The following GRM7 variants were observed in gnomAD, a reference collection of about 807,000 sequenced individuals.
GRM7 encodes metabotropic glutamate receptor 7.
A neutral mutation model predicts 84.5 loss-of-function variants in GRM7; 35 were observed. That is an observed-to-expected ratio of 0.41 (90% CI 0.32 to 0.55). The LOEUF (loss-of-function observed/expected upper bound fraction) is 0.55, where lower values mean the gene tolerates loss of function less well. Among genes scored for constraint, GRM7 ranks in the 20% least tolerant of loss-of-function variants. The pLI, the probability that GRM7 is intolerant of heterozygous loss-of-function variation, is 0.19. For synonymous variants in GRM7, 487 were observed against 455.1 expected, an observed-to-expected ratio of 1.07 and a Z score of -0.89; for missense variants, 1,003 against 1,194.6, an observed-to-expected ratio of 0.84 and a Z score of 2.36.
intron 2 of GRM7, among the ~76,000 whole-genome samples, chr3:7,259,341 C>A (rs1241421744): frequency 2.0e-5 from 3 of 152,098 alleles, no homozygotes; most frequent in Non-Finnish European, 4.4e-5. Flanking sequence ...TAGGTAAATT[C>A]ATGTCATGGG....
chr3:7,320,300 A>G (rs930902004), intron 4 of GRM7, among the ~76,000 whole-genome samples: 1 of 152,044 alleles, frequency 6.6e-6, no homozygotes, highest in African/African-American at 2.4e-5. Flanking sequence ...TAAAAGTTTT[A>G]TGTGACACAC....
intron 1 of GRM7, among the ~76,000 whole-genome samples, chr3:7,080,931 G>T (rs569694526): frequency 1.3e-5 from 2 of 151,968 alleles, no homozygotes; most frequent in Non-Finnish European, 2.9e-5. Flanking sequence ...TTCATTCATT[G>T]TATAATGGAG....
intron 8 of GRM7, among the ~76,000 whole-genome samples, chr3:7,640,653 A>C (rs1310005342): frequency 6.6e-6 from 1 of 152,240 alleles, no homozygotes; most frequent in African/African-American, 2.4e-5. Flanking sequence ...AGTCTGAGAA[A>C]TACTATTTAT....
chr3:7,546,404 G>A (rs549485914), intron 7 of GRM7, among the ~76,000 whole-genome samples: 155 of 152,336 alleles, frequency 1.0e-3, no homozygotes, highest in Non-Finnish European at 1.8e-3. Flanking sequence ...GGAAGTCTCT[G>A]GCCGAACTTA....
intron 2 of GRM7, among the ~76,000 whole-genome samples, chr3:7,194,358 A>G (rs1695812923): frequency 6.6e-6 from 1 of 152,204 alleles, no homozygotes; most frequent in East Asian, 1.9e-4. Flanking sequence ...GAGGTGAAGC[A>G]TACAGTGTGT....
chr3:6,881,303 C>G (rs145607698), intron 1 of GRM7, among the ~76,000 whole-genome samples: 3 of 152,062 alleles, frequency 2.0e-5, no homozygotes, highest in African/African-American at 4.8e-5. Context: ...CACTCCACCC[C>G]CCAACAGTCT....
chr3:7,029,326 AAC>A (rs201830136), intron 1 of GRM7, among the ~76,000 whole-genome samples: 20 of 120,712 alleles, frequency 1.7e-4, no homozygotes, highest in East Asian at 8.2e-4. Flanking sequence ...AAAAAAAAAA[AAC>A]AAACAAAAAA....
intron 7 of GRM7, among the ~76,000 whole-genome samples, chr3:7,491,899 C>T (rs1358996551): frequency 6.6e-6 from 1 of 152,142 alleles, no homozygotes; most frequent in Non-Finnish European, 1.5e-5. Flanking sequence ...ATGCCCTTTT[C>T]CAGCAAGTCT....
At chr3:7,325,179 C>G (rs1324684213) in intron 4 of GRM7, among the ~76,000 whole-genome samples, 2 of 152,138 alleles carry the variant, frequency 1.3e-5, no homozygotes, top group African/African-American at 4.8e-5. Flanking sequence ...TCAGGGGATT[C>G]TGGGTATTGA....
intron 7 of GRM7, among the ~76,000 whole-genome samples, chr3:7,530,117 G>C (rs1408732215): frequency 5.0e-4 from 17 of 34,080 alleles, no homozygotes; most frequent in Admixed American, 4.1e-3. Flanking sequence ...AACAGGCCCC[G>C]GTGTGTGATG....
intron 1 of GRM7, among the ~76,000 whole-genome samples, chr3:7,019,921 C>T (rs1042302816): frequency 2.0e-5 from 3 of 152,176 alleles, no homozygotes; most frequent in Admixed American, 6.5e-5. Flanking sequence ...ACTAAAAAGA[C>T]ACCGGAAAAG....
intron 1 of GRM7, among the ~76,000 whole-genome samples, chr3:7,039,603 A>G (rs1267228862): frequency 6.6e-6 from 1 of 152,204 alleles, no homozygotes; most frequent in African/African-American, 2.4e-5. Context: ...ATGCCGTGAT[A>G]AGAAAAATCA....
chr3:7,069,908 C>A (rs528559431), intron 1 of GRM7, among the ~76,000 whole-genome samples: 2 of 152,074 alleles, frequency 1.3e-5, no homozygotes, highest in African/African-American at 2.4e-5. Context: ...TCATCCCAGT[C>A]AAATGATTCA....
At chr3:7,077,576 G>A (rs1433982526) in intron 1 of GRM7, among the ~76,000 whole-genome samples, 1 of 149,840 alleles carries the variant, frequency 6.7e-6, no homozygotes, top group African/African-American at 2.5e-5. Flanking sequence ...CTGTCGGGGG[G>A]TGGGGGGCTA....
At chr3:7,356,920 T>TCACATACACA (rs1553567163) in intron 4 of GRM7, among the ~76,000 whole-genome samples, 3 of 131,256 alleles carry the variant, frequency 2.3e-5, no homozygotes, top group African/African-American at 8.8e-5. Flanking sequence ...GCCTTTTTGA[T>TCACATACACA]CACACACACA....
chr3:7,216,716 A>G (rs1489053097), intron 2 of GRM7, among the ~76,000 whole-genome samples: 1 of 152,106 alleles, frequency 6.6e-6, no homozygotes, highest in Non-Finnish European at 1.5e-5. Context: ...CTGTTACTCA[A>G]ACTGACAGTA....
intron 5 of GRM7, among the ~76,000 whole-genome samples, chr3:7,447,061 T>G (rs557934114): frequency 6.6e-6 from 1 of 152,010 alleles, no homozygotes; most frequent in African/African-American, 2.4e-5. Flanking sequence ...TGGGTAAAAG[T>G]AATAATGAGA....
At chr3:7,640,900 C>T (rs1458869276) in intron 8 of GRM7, among the ~76,000 whole-genome samples, 1 of 152,082 alleles carries the variant, frequency 6.6e-6, no homozygotes, top group Non-Finnish European at 1.5e-5. Flanking sequence ...AATGACTAAC[C>T]ACTAGATATG....
intron 2 of GRM7, 195 bp from the exon 3 acceptor site, chr3:7,298,489 T>C: frequency 1.8e-6 from 1 of 549,400 alleles, no homozygotes; most frequent in Non-Finnish European, 3.2e-6. Context: ...TGTCGTGTAA[T>C]ACCATGGAAA....
Sources: allele counts gnomAD v4.1 joint callset (sites outside exome capture counted in the v4.1 genomes callset), GRCh38; gene constraint gnomAD v4.1.1; transcripts MANE v1.5; gene names NCBI Gene and HGNC (gene_info 2026-07-23, HGNC 2026-07-21).